The following GRAMD1C variants were observed in gnomAD, a reference collection of about 807,000 sequenced individuals.
GRAMD1C encodes the protein GRAM domain containing 1C, also known as protein Aster-C.
GRAMD1C carries 89 observed loss-of-function variants against 97.8 expected under a neutral mutation model. The observed-to-expected ratio is 0.91, with a 90% CI of 0.77 to 1.09. The LOEUF (loss-of-function observed/expected upper bound fraction) is 1.09. Ranked by LOEUF, GRAMD1C falls within the 50% of genes least tolerant of loss-of-function variation. The probability of loss-of-function intolerance (pLI) is 0.00; values close to 1 mark genes in which losing one functional copy is unlikely to be tolerated. For synonymous variants in GRAMD1C, 256 were observed against 267.0 expected, an observed-to-expected ratio of 0.96 and a Z score of 0.40; for missense variants, 740 against 766.4, an observed-to-expected ratio of 0.97 and a Z score of 0.41.
chr3:113,833,220 C>T (rs1306937031), intron 1 of GRAMD1C, among the ~76,000 whole-genome samples: 1 of 150,818 alleles, frequency 6.6e-6, no homozygotes, highest in Non-Finnish European at 1.5e-5. Flanking sequence ...TCACTGCAAC[C>T]TCTGCCTCCT....
In GRAMD1C at chr3:113,859,542, T is replaced by C. The variant is rs576680415; in HGVS notation, c.175-9965T>C. Among the ~76,000 whole-genome samples, 4 of 152,270 alleles carry C rather than the reference T, an allele frequency of 2.6e-5. No individual in the cohort carries two copies. The East Asian group carries it at 7.7e-4, about 29-fold the overall frequency. ...TTCCAGGACAGTTGATGTTATTAGG[T>C]TTTAATATGCATTTGAAATACCTTA... On this transcript the variant is annotated intron_variant, in intron 2 of 17. Transcript: ENST00000358160.
At chr3:113,843,483 G>A (rs1283111430) in intron 1 of GRAMD1C, among the ~76,000 whole-genome samples, 1 of 151,604 alleles carries the variant, frequency 6.6e-6, no homozygotes, top group African/African-American at 2.4e-5. Flanking sequence ...TTACCCGATG[G>A]GCCCATATTT....
chr3:113,905,607 G>A (rs1156644749), intron 8 of GRAMD1C, among the ~76,000 whole-genome samples: 3 of 151,976 alleles, frequency 2.0e-5, no homozygotes, highest in African/African-American at 4.8e-5. Flanking sequence ...TTTAATAAGA[G>A]TTAAATGAAT....
At chr3:113,886,430 T>G (rs1231084996) in intron 6 of GRAMD1C, among the ~76,000 whole-genome samples, 3 of 152,166 alleles carry the variant, frequency 2.0e-5, no homozygotes, top group Non-Finnish European at 2.9e-5. Flanking sequence ...TGTACAAAAC[T>G]GATCTAATTC....
chr3:113,867,253 A>G (rs1362817741), intron 2 of GRAMD1C, among the ~76,000 whole-genome samples: 4 of 152,134 alleles, frequency 2.6e-5, no homozygotes, highest in Non-Finnish European at 5.9e-5. Context: ...TTGAGTTATC[A>G]TATGTAATTT....
In GRAMD1C at chr3:113,885,370, A is replaced by AT; in HGVS notation, c.540+2541dup. The AT allele has an allele frequency of 6.9e-6, 11 of 1,592,654 alleles. 1 individual carries two copies. The highest frequency in any genetic ancestry group is 9.5e-6 in the Non-Finnish European group (11 of 1,162,466). Reference sequence around the variant, plus strand: ...CGCTGCCAAGCTCTGGAGCTTCTTCATTTACCTTTTGCGGGGGCAGATCCG... The same window carrying AT: ...CGCTGCCAAGCTCTGGAGCTTCTTCATTTTACCTTTTGCGGGGGCAGATCCG... On this transcript the variant is annotated intron_variant, in intron 6 of 17. Transcript: ENST00000358160.
At chr3:113,849,136 G>A (rs1405174901) in intron 2 of GRAMD1C, among the ~76,000 whole-genome samples, 1 of 152,058 alleles carries the variant, frequency 6.6e-6, no homozygotes, top group Non-Finnish European at 1.5e-5. Flanking sequence ...TTCTTTTAGC[G>A]ATATAGAGTA....
intron 10 of GRAMD1C, among the ~76,000 whole-genome samples, chr3:113,928,627 C>T (rs145543664): frequency 1.5e-4 from 23 of 152,292 alleles, no homozygotes; most frequent in South Asian, 2.1e-4. Context: ...TGAATGGTAA[C>T]GCTCCATTTC....
intron 2 of GRAMD1C, among the ~76,000 whole-genome samples, chr3:113,851,431 A>G (rs932257927): frequency 2.6e-5 from 4 of 152,082 alleles, no homozygotes. Flanking sequence ...CATTATCTAC[A>G]TATATGCAAA....
chr3:113,896,643 G>A (rs1256873472), intron 6 of GRAMD1C, among the ~76,000 whole-genome samples: 1 of 152,184 alleles, frequency 6.6e-6, no homozygotes, highest in Non-Finnish European at 1.5e-5. Flanking sequence ...CTTTTAGACA[G>A]CGGAAGCTGC....
At chr3:113,887,702 C>CT in intron 6 of GRAMD1C, among the ~76,000 whole-genome samples, 1 of 123,278 alleles carries the variant, frequency 8.1e-6, no homozygotes, top group South Asian at 2.8e-4. Flanking sequence ...TGCGAGACTC[C>CT]GTCTCCAAAA....
intron 1 of GRAMD1C, among the ~76,000 whole-genome samples, chr3:113,840,057 C>G (rs1437876350): frequency 2.0e-5 from 3 of 152,110 alleles, no homozygotes; most frequent in African/African-American, 7.2e-5. Flanking sequence ...AGCTCTGCCT[C>G]CCGGGTTCAC....
intron 10 of GRAMD1C, chr3:113,919,424 A>AG (rs1936954831): frequency 1.9e-6 from 1 of 513,912 alleles, no homozygotes; most frequent in African/African-American, 2.0e-5. Flanking sequence ...CCAAGGAATT[A>AG]GAATTGAATT....
upstream of GRAMD1C, among the ~76,000 whole-genome samples, chr3:113,833,876 C>T (rs1019024720): frequency 3.3e-5 from 5 of 152,074 alleles, no homozygotes; most frequent in Non-Finnish European, 4.4e-5. Context: ...TTTGAAGTTC[C>T]CCACTCTGCC....
intron 6 of GRAMD1C, among the ~76,000 whole-genome samples, chr3:113,895,528 AT>A (rs1272641781): frequency 6.6e-6 from 1 of 152,086 alleles, no homozygotes; most frequent in Non-Finnish European, 1.5e-5. Context: ...TTGTTCTTTT[AT>A]TTTGGAGTTA....
intron 2 of GRAMD1C, among the ~76,000 whole-genome samples, chr3:113,850,959 C>T (rs1176061153): frequency 2.0e-5 from 3 of 151,804 alleles, no homozygotes; most frequent in Non-Finnish European, 4.4e-5. Context: ...CGTGCCACCA[C>T]GCCCGGCTAA....
At chr3:113,843,723 G>A (rs1248296933) in intron 1 of GRAMD1C, among the ~76,000 whole-genome samples, 1 of 152,160 alleles carries the variant, frequency 6.6e-6, no homozygotes, top group Non-Finnish European at 1.5e-5. Context: ...ATCCCAAAGT[G>A]TTGGGATTAC....
At position 113,875,474 on chromosome 3, in the gene GRAMD1C, G is replaced by A. The variant is rs1934988589; in HGVS notation, c.260-10G>A. The A allele has an allele frequency of 2.6e-6, 3 of 1,145,574 alleles. No homozygotes were observed. Among genetic ancestry groups the A allele is most frequent in the Middle Eastern group, 1.9e-4 (1 of 5,254 alleles). The allele number at this position is 1,145,574 out of a possible 1,614,324, so 71.0% of individuals were successfully genotyped here. On this transcript the variant is annotated splice_polypyrimidine_tract_variant and intron_variant, in intron 3 of 17. Transcript: ENST00000358160. ...CGTGAATAAGCTGTATCTTATTTTT[G>A]TGTATATAGATTATGCTTGTGCTCT... is the stretch of plus-strand genomic sequence containing the variant.
chr3:113,866,519 A>C (rs1035542912), intron 2 of GRAMD1C, among the ~76,000 whole-genome samples: 3 of 152,122 alleles, frequency 2.0e-5, no homozygotes, highest in African/African-American at 7.2e-5. Context: ...TTCCGTTTAC[A>C]TTTAATGTAG....
Sources: allele counts gnomAD v4.1 joint callset (sites outside exome capture counted in the v4.1 genomes callset), GRCh38; gene constraint gnomAD v4.1.1; transcripts MANE v1.5; gene names NCBI Gene and HGNC (gene_info 2026-07-23, HGNC 2026-07-21).